Variants in RRP15 observed in about 807,000 individuals in gnomAD.
RRP15 encodes the protein ribosomal RNA processing 15 homolog.
RRP15 carries 18 observed loss-of-function variants against 27.1 expected under a neutral mutation model. That is an observed-to-expected ratio of 0.66 (90% CI 0.46 to 0.98). The LOEUF (loss-of-function observed/expected upper bound fraction) is 0.98. Ranked by LOEUF, RRP15 falls within the 50% of genes least tolerant of loss-of-function variation. The pLI, the probability that RRP15 is intolerant of heterozygous loss-of-function variation, is 0.00. For missense variants in RRP15, 359 were observed against 337.8 expected, an observed-to-expected ratio of 1.06 and a Z score of -0.49; for synonymous variants, 107 against 109.4, an observed-to-expected ratio of 0.98 and a Z score of 0.14.
intron 1 of RRP15, 79 bp downstream of exon 1, chr1:218,285,534 A>G: frequency 6.3e-7 from 1 of 1,581,828 alleles, no homozygotes; most frequent in Non-Finnish European, 8.6e-7. Context: ...TTGCGACTTC[A>G]TTTGCTGCTA....
At chr1:218,285,894 AAAT>A (rs1244707342) in intron 1 of RRP15, among the ~76,000 whole-genome samples, 1 of 152,148 alleles carries the variant, frequency 6.6e-6, no homozygotes, top group African/African-American at 2.4e-5. Flanking sequence ...TTTAGAGACT[AAAT>A]AATAGTGAAT....
At chr1:218,319,566 C>T (rs1210503165) in intron 4 of RRP15, among the ~76,000 whole-genome samples, 1 of 152,130 alleles carries the variant, frequency 6.6e-6, no homozygotes, top group East Asian at 1.9e-4. Flanking sequence ...CAGCCCAAAC[C>T]TTGTGCTTTC....
Position 218,296,975 on chromosome 1 carries a change from TCTGTCC to T in RRP15, c.140-5318_140-5313del, listed in dbSNP as rs1390647788. ...GTTCCCCAGGTCCTCAGGATCTCTGTCTGTCCTCTGATTACTGATTATCATTTATTT... is the reference window on the plus strand; with the variant it reads ...GTTCCCCAGGTCCTCAGGATCTCTGTTCTGATTACTGATTATCATTTATTT... On this transcript the variant is annotated intron_variant, in intron 1 of 4. Coordinates refer to ENST00000366932, the MANE Select transcript of RRP15 (RefSeq NM_016052.4). 9.8e-5 allele frequency among the ~76,000 whole-genome samples: 15 copies of T among 152,326 alleles called. No homozygotes were observed. In the East Asian group the frequency reaches 2.9e-3, roughly 29 times the overall value.
intron 4 of RRP15, among the ~76,000 whole-genome samples, chr1:218,312,204 A>G (rs1656004836): frequency 1.3e-5 from 2 of 152,304 alleles, no homozygotes; most frequent in South Asian, 4.1e-4. Flanking sequence ...ACAGGAAACT[A>G]ATAGAACATA....
Position 218,302,306 on chromosome 1 carries a change from C to T in RRP15, c.152C>T (p.Ser51Leu), listed in dbSNP as rs566238943. 42 of 1,612,002 alleles carry T rather than the reference C, an allele frequency of 2.6e-5. No homozygotes were observed. The highest frequency in any genetic ancestry group is 2.0e-4 in the African/African-American group (15 of 74,896). ...DTSDSEGSCG[S>L]EKDHFYSDDD... is the part of the protein sequence containing the mutation. Reference sequence around the variant, plus strand: ...TTTGGTTCTATAGGAAGCTGTGGATCGGAAAAGGACCACTTTTATTCTGAT... The same window carrying T: ...TTTGGTTCTATAGGAAGCTGTGGATTGGAAAAGGACCACTTTTATTCTGAT... The change falls in exon 2 of 5, where the codon TCG becomes TTG. Residue 51 changes from serine (S) to leucine (L), a missense_variant. By Grantham distance (145) the Ser-to-Leu change is moderately radical. Transcript: ENST00000366932.
At chr1:218,326,554 AT>A (rs1656276457) in intron 4 of RRP15, among the ~76,000 whole-genome samples, 1 of 152,200 alleles carries the variant, frequency 6.6e-6, no homozygotes, top group South Asian at 2.1e-4. Context: ...CTATGAATAT[AT>A]GGGTGTCATC....
chr1:218,295,521 A>T (rs1035922153), intron 1 of RRP15, among the ~76,000 whole-genome samples: 3 of 152,238 alleles, frequency 2.0e-5, no homozygotes, highest in Admixed American at 6.5e-5. Context: ...ATCTACTTAT[A>T]ACAAAAGACT....
At chr1:218,330,065 A>G (rs1656342339) in intron 4 of RRP15, among the ~76,000 whole-genome samples, 1 of 152,144 alleles carries the variant, frequency 6.6e-6, no homozygotes, top group Admixed American at 6.5e-5. Context: ...ATTGACATAA[A>G]TAGATATGCA....
chr1:218,317,407 G>T (rs945288733), intron 4 of RRP15, among the ~76,000 whole-genome samples: 2 of 152,240 alleles, frequency 1.3e-5, no homozygotes, highest in African/African-American at 4.8e-5. Context: ...GAAGAGAATG[G>T]TGAAGGAAGC....
rs1294124142 is a variant in RRP15 at position 218,331,085 on chromosome 1, T to C, written c.843T>C (p.Asp281=). ...GACCAGAATCTGCAAGTGACTCTGA[T>C]ACATAAAGCATCATAGGAAATACAA... ...DSRPESASDS[D]T Residue 281 remains aspartate, a synonymous_variant, in exon 5 of 5, where the codon GAT becomes GAC. Transcript: ENST00000366932. The C allele has an allele frequency of 1.2e-6, 2 of 1,609,946 alleles. No individual in the cohort carries two copies. Among genetic ancestry groups the C allele is most frequent in the Non-Finnish European group, 1.7e-6 (2 of 1,177,638 alleles).
At chr1:218,310,515 A>G (rs1655977152) in intron 4 of RRP15, among the ~76,000 whole-genome samples, 1 of 152,216 alleles carries the variant, frequency 6.6e-6, no homozygotes, top group East Asian at 1.9e-4. Flanking sequence ...TTGTAATAAT[A>G]TAACATAGGT....
intron 1 of RRP15, among the ~76,000 whole-genome samples, chr1:218,289,995 T>C (rs536020314): frequency 2.2e-4 from 34 of 152,206 alleles, no homozygotes; most frequent in Non-Finnish European, 4.1e-4. Context: ...CCTGCATCTC[T>C]TTTGTTTACA....
intron 2 of RRP15, among the ~76,000 whole-genome samples, chr1:218,302,975 A>G (rs1449430872): frequency 6.6e-6 from 1 of 152,152 alleles, no homozygotes; most frequent in Non-Finnish European, 1.5e-5. Context: ...TCGTAACTCA[A>G]GGATTGGTTG....
Position 218,336,532 on chromosome 1 carries a change from C to T in RRP15, c.*5441C>T, listed in dbSNP as rs1656451413. Reference sequence around the variant, plus strand: ...AGCTGTTGATTCACCCTCAGGCTACCAGACAGTTGCCTCTTTGCATTTGCA... The same window carrying T: ...AGCTGTTGATTCACCCTCAGGCTACTAGACAGTTGCCTCTTTGCATTTGCA... On this transcript the variant is annotated 3_prime_UTR_variant, in exon 5 of 5. Coordinates refer to ENST00000366932, the MANE Select transcript of RRP15 (RefSeq NM_016052.4). 6.6e-6 allele frequency: 1 copy of T among 152,586 alleles called. No individual in the cohort carries two copies. The highest frequency in any genetic ancestry group is 1.5e-5 in the Non-Finnish European group (1 of 68,070). 9.5% of individuals were successfully genotyped at this position (152,586 alleles called of 1,614,324 possible).
At chr1:218,323,450 T>TA (rs1656220089) in intron 4 of RRP15, among the ~76,000 whole-genome samples, 1 of 152,114 alleles carries the variant, frequency 6.6e-6, no homozygotes, top group Non-Finnish European at 1.5e-5. Context: ...TTATGGGCCT[T>TA]AGAGGAGAGG....
intron 1 of RRP15, among the ~76,000 whole-genome samples, chr1:218,286,449 C>T (rs1320040194): frequency 1.3e-5 from 2 of 152,210 alleles, no homozygotes; most frequent in African/African-American, 4.8e-5. Flanking sequence ...CCTCACCAGC[C>T]TCTGATCCAG....
intron 1 of RRP15, among the ~76,000 whole-genome samples, chr1:218,294,587 C>A (rs565403589): frequency 6.6e-6 from 1 of 152,082 alleles, no homozygotes; most frequent in African/African-American, 2.4e-5. Flanking sequence ...CATGCCCTCC[C>A]TGGGTGTGCC....
rs1314679003 is a variant in RRP15, at chr1:218,334,702, T to C, written c.*3611T>C. ...GATTGACATTTATCTCCACTCTGCA[T>C]GTCACTGATATGGTATAGACGCTAT... On this transcript the variant is annotated 3_prime_UTR_variant, in exon 5 of 5. Transcript: ENST00000366932. 1.3e-5 allele frequency: 2 copies of C among 152,264 alleles called. No individual in the cohort carries two copies. Among genetic ancestry groups the C allele is most frequent in the Admixed American group, 1.3e-4 (2 of 15,286 alleles). 9.4% of individuals were successfully genotyped at this position (152,264 alleles called of 1,614,324 possible).
intron 1 of RRP15, among the ~76,000 whole-genome samples, chr1:218,295,192 G>T (rs147700304): frequency 3.3e-5 from 5 of 152,292 alleles, no homozygotes; most frequent in Non-Finnish European, 2.9e-5. Context: ...ATGATATCAA[G>T]TATGATAAAG....
Sources: allele counts gnomAD v4.1 joint callset (sites outside exome capture counted in the v4.1 genomes callset), GRCh38; gene constraint gnomAD v4.1.1; transcripts MANE v1.5; gene names NCBI Gene and HGNC (gene_info 2026-07-23, HGNC 2026-07-21).